The following FSTL5 variants were observed in gnomAD, a reference collection of about 807,000 sequenced individuals.
FSTL5 encodes follistatin-related protein 5.
In FSTL5, 62 loss-of-function variants were observed where a neutral mutation model predicts 89.1. The ratio of observed to expected loss-of-function variants is 0.70; its 90% CI spans 0.57 to 0.86. The LOEUF is 0.86. Among genes scored for constraint, FSTL5 ranks in the 40% least tolerant of loss-of-function variants. The pLI is 0.00. For synonymous variants in FSTL5, 383 were observed against 346.2 expected (o/e 1.11, Z -1.18); for missense variants, 1,057 against 1,001.6 (o/e 1.06, Z -0.75).
chr4:161,573,860 A>G (rs963295729), intron 8 of FSTL5, among the ~76,000 whole-genome samples: 1 of 152,176 alleles, frequency 6.6e-6, no homozygotes. Flanking sequence ...TAGTGGCTTA[A>G]GGCAACACAA....
chr4:161,849,721 G>A (rs947512653), intron 4 of FSTL5, among the ~76,000 whole-genome samples: 2 of 152,066 alleles, frequency 1.3e-5, no homozygotes, highest in South Asian at 4.1e-4. Flanking sequence ...GACTGAATAT[G>A]AGACAAACAA....
chr4:161,415,667 GAGAGAGAGAGAGAAAGAGAGAGAA>G (rs1560883929), intron 15 of FSTL5, among the ~76,000 whole-genome samples: 3 of 149,480 alleles, frequency 2.0e-5, no homozygotes, highest in Non-Finnish European at 1.5e-5. Flanking sequence ...TATATATAGA[GAGAGAGAGAGAGAAAGAGAGAGAA>G]AGAGAGAGAG....
chr4:161,816,571 C>T (rs1000368127), intron 4 of FSTL5, among the ~76,000 whole-genome samples: 2 of 152,084 alleles, frequency 1.3e-5, no homozygotes, highest in African/African-American at 4.8e-5. Context: ...TTACTTGGTT[C>T]CACTTTACAA....
intron 3 of FSTL5, among the ~76,000 whole-genome samples, chr4:161,993,818 T>G (rs1349058764): frequency 2.0e-5 from 3 of 152,202 alleles, no homozygotes; most frequent in Admixed American, 2.0e-4. Context: ...TGTGTCTGTG[T>G]GTAAAAATAG....
intron 4 of FSTL5, among the ~76,000 whole-genome samples, chr4:161,834,230 A>C (rs1730952354): frequency 6.6e-6 from 1 of 152,206 alleles, no homozygotes; most frequent in Admixed American, 6.5e-5. Context: ...GATGCAGAAA[A>C]GGCCTTTGAC....
chr4:161,454,077 A>G (rs1463108001), intron 15 of FSTL5, among the ~76,000 whole-genome samples: 1 of 152,178 alleles, frequency 6.6e-6, no homozygotes, highest in Non-Finnish European at 1.5e-5. Flanking sequence ...TTATTTTTGC[A>G]AAGTTGAATT....
intron 4 of FSTL5, among the ~76,000 whole-genome samples, chr4:161,812,479 C>G (rs1053495488): frequency 6.6e-6 from 1 of 150,642 alleles, no homozygotes; most frequent in Non-Finnish European, 1.5e-5. Flanking sequence ...AATTGCTCAA[C>G]CTCTCTGTGT....
intron 4 of FSTL5, among the ~76,000 whole-genome samples, chr4:161,913,623 G>A: frequency 6.6e-6 from 1 of 152,202 alleles, no homozygotes; most frequent in South Asian, 2.1e-4. Flanking sequence ...AGCCATGAAA[G>A]CAGCCAGGAG....
At chr4:161,600,800 T>C (rs1201798479) in intron 7 of FSTL5, among the ~76,000 whole-genome samples, 1 of 152,160 alleles carries the variant, frequency 6.6e-6, no homozygotes, top group Non-Finnish European at 1.5e-5. Context: ...CATTCCAGAC[T>C]TCTGGCCTTA....
At chr4:161,921,912 C>T (rs142013475) in intron 3 of FSTL5, among the ~76,000 whole-genome samples, 139 of 152,130 alleles carry the variant, frequency 9.1e-4, no homozygotes, top group African/African-American at 3.2e-3. Flanking sequence ...TTACTATTAA[C>T]AGCTCTTCAA....
intron 6 of FSTL5, among the ~76,000 whole-genome samples, chr4:161,658,545 T>A (rs1436986956): frequency 6.6e-6 from 1 of 151,934 alleles, no homozygotes; most frequent in Admixed American, 6.6e-5. Context: ...CTGTTATATA[T>A]CACATATGTG....
At chr4:161,748,765 C>CTAT (rs1230104039) in intron 6 of FSTL5, among the ~76,000 whole-genome samples, 1 of 151,830 alleles carries the variant, frequency 6.6e-6, no homozygotes, top group Non-Finnish European at 1.5e-5. Flanking sequence ...AAGGTACTAA[C>CTAT]TATGGACAGA....
In FSTL5 at chr4:161,611,198, GTA is replaced by G. The variant is rs200031552; in HGVS notation, c.895-23625_895-23624del. 1.8e-3 allele frequency among the ~76,000 whole-genome samples: 253 copies of G among 138,950 alleles called. 2 individuals are homozygous for G. The highest frequency in any genetic ancestry group is 3.3e-3 in the Non-Finnish European group (212 of 64,810). 91.2% of individuals were successfully genotyped at this position (138,950 alleles called of 152,430 possible). ...TATATATGTATATATGTGTATATGTGTATATATATGTGTATATGTGTGTATGT... is the reference window on the plus strand; with the variant it reads ...TATATATGTATATATGTGTATATGTGTATATATGTGTATATGTGTGTATGT... On this transcript the variant is annotated intron_variant, in intron 7 of 15. Coordinates refer to ENST00000306100, the MANE Select transcript of FSTL5 (RefSeq NM_020116.5).
At chr4:161,428,246 G>A (rs1244281693) in intron 15 of FSTL5, among the ~76,000 whole-genome samples, 1 of 152,150 alleles carries the variant, frequency 6.6e-6, no homozygotes, top group African/African-American at 2.4e-5. Context: ...CACCCCCACG[G>A]GCTAAAGGGC....
At chr4:161,566,099 A>AATATAT (rs1560956518) in intron 8 of FSTL5, among the ~76,000 whole-genome samples, 23 of 24,642 alleles carry the variant, frequency 9.3e-4, no homozygotes, top group Admixed American at 2.3e-3. Context: ...TTTTTTTTGG[A>AATATAT]CTATATATAT....
At chr4:162,077,908 T>C (rs902891147) in intron 2 of FSTL5, among the ~76,000 whole-genome samples, 2 of 151,826 alleles carry the variant, frequency 1.3e-5, no homozygotes, top group Non-Finnish European at 1.5e-5. Flanking sequence ...TTAGAATAGA[T>C]TCACCTTTAG....
intron 2 of FSTL5, among the ~76,000 whole-genome samples, chr4:162,080,886 G>C (rs1220658684): frequency 1.3e-5 from 2 of 151,624 alleles, no homozygotes; most frequent in African/African-American, 4.8e-5. Flanking sequence ...AAGGATTCTA[G>C]TGTATTTAAA....
intron 6 of FSTL5, among the ~76,000 whole-genome samples, chr4:161,741,828 C>T (rs1740039682): frequency 6.6e-6 from 1 of 151,898 alleles, no homozygotes. Flanking sequence ...GCTGGGACTA[C>T]AGGCACACAC....
At chr4:161,554,042 C>G (rs1290453136) in intron 8 of FSTL5, among the ~76,000 whole-genome samples, 2 of 151,282 alleles carry the variant, frequency 1.3e-5, no homozygotes, top group African/African-American at 4.8e-5. Flanking sequence ...TACATTTTAA[C>G]ATTACACAAA....
Sources: allele counts gnomAD v4.1 joint callset (sites outside exome capture counted in the v4.1 genomes callset), GRCh38; gene constraint gnomAD v4.1.1; transcripts MANE v1.5; gene names NCBI Gene and HGNC (gene_info 2026-07-23, HGNC 2026-07-21).